Variants in LIN7A observed in about 807,000 individuals in gnomAD.
LIN7A encodes lin-7 cell polarity scaffold A, also known as protein lin-7 homolog A.
In LIN7A, 25 loss-of-function variants were observed where a neutral mutation model predicts 29.8. That is an observed-to-expected ratio of 0.84 (90% CI 0.61 to 1.17). LIN7A has a LOEUF of 1.17. Ranked by LOEUF, LIN7A falls within the 50% of genes most tolerant of loss-of-function variation. The pLI is 0.00. For missense variants in LIN7A, 239 were observed against 287.0 expected (o/e 0.83, Z 1.21); for synonymous variants, 118 against 107.5 (o/e 1.10, Z -0.60).
At chr12:80,813,033 C>T (rs559399609) in intron 4 of LIN7A, among the ~76,000 whole-genome samples, 12 of 151,818 alleles carry the variant, frequency 7.9e-5, no homozygotes, top group South Asian at 4.2e-4. Context: ...TTTTTTGAGA[C>T]GGAGTCTTGC....
chr12:80,813,885 C>T (rs1312457346), intron 4 of LIN7A, among the ~76,000 whole-genome samples: 2 of 152,082 alleles, frequency 1.3e-5, no homozygotes, highest in Non-Finnish European at 2.9e-5. Flanking sequence ...AAAAAAATCA[C>T]TGTGCAGTGT....
Position 80,937,708 on chromosome 12 carries a change from G to A in LIN7A, c.15C>T (p.Ser5=). The A allele has an allele frequency of 2.6e-6, 4 of 1,537,204 alleles. No individual in the cohort carries two copies. Among genetic ancestry groups the A allele is most frequent in the Non-Finnish European group, 8.8e-7 (1 of 1,134,700 alleles). The change falls in exon 1 of 6, where the codon AGC becomes AGT. Residue 5 remains serine, a synonymous_variant. Transcript: ENST00000552864. ...TGTCTGCCGTGGGAGCCGAAGTGAC[G>A]CTCGGCTTCAGCATCAGCAACCGCT... MLKP[S]VTSAPTADMA...
Position 80,937,879 on chromosome 12 carries a change from C to T in LIN7A, c.-157G>A. On this transcript the variant is annotated 5_prime_UTR_variant, in exon 1 of 6. Transcript: ENST00000552864. Reference sequence around the variant, plus strand: ...TAGCCAGATGGAGACGCAACTGTTCCGCGGCGGCAGATCTTCAGTTGCGGT... The same window carrying T: ...TAGCCAGATGGAGACGCAACTGTTCTGCGGCGGCAGATCTTCAGTTGCGGT... 1 of 498,516 alleles carries T rather than the reference C, an allele frequency of 2.0e-6. No homozygotes were observed. Among genetic ancestry groups the T allele is most frequent in the South Asian group, 3.8e-5 (1 of 26,488 alleles). The allele number at this position is 498,516 out of a possible 1,614,324, so 30.9% of individuals were successfully genotyped here. A position where few individuals can be genotyped will look rare whatever the true frequency, so the allele number is the denominator to read the frequency against.
chr12:80,825,169 T>C (rs1006554599), intron 4 of LIN7A, among the ~76,000 whole-genome samples: 2 of 152,184 alleles, frequency 1.3e-5, no homozygotes, highest in South Asian at 4.1e-4. Context: ...GAAGGGGTTT[T>C]ATCAGAGAAT....
At chr12:80,877,776 T>C (rs1037599533) in intron 2 of LIN7A, among the ~76,000 whole-genome samples, 3 of 152,174 alleles carry the variant, frequency 2.0e-5, no homozygotes, top group African/African-American at 7.2e-5. Context: ...TTAACATTCA[T>C]TTTAGATGAC....
intron 4 of LIN7A, among the ~76,000 whole-genome samples, chr12:80,843,158 G>A (rs1872900745): frequency 1.3e-5 from 2 of 152,138 alleles, no homozygotes; most frequent in Admixed American, 6.5e-5. Flanking sequence ...GGTAAGATGA[G>A]AGGTTTAAAT....
At chr12:80,808,105 A>G (rs952606386) in intron 5 of LIN7A, among the ~76,000 whole-genome samples, 6 of 152,074 alleles carry the variant, frequency 3.9e-5, no homozygotes, top group East Asian at 1.9e-4. Context: ...ACTATTCTCT[A>G]ACTACTCTGG....
At chr12:80,904,023 A>G (rs1460830492) in intron 1 of LIN7A, among the ~76,000 whole-genome samples, 1 of 152,086 alleles carries the variant, frequency 6.6e-6, no homozygotes, top group Non-Finnish European at 1.5e-5. Flanking sequence ...GTTTATAACA[A>G]TCTTTTAAAC....
At chr12:80,918,606 C>T (rs1459170067) in intron 1 of LIN7A, among the ~76,000 whole-genome samples, 2 of 152,118 alleles carry the variant, frequency 1.3e-5, no homozygotes, top group Non-Finnish European at 2.9e-5. Context: ...ATTTCAGACA[C>T]TTGGAGATTC....
chr12:80,858,822 A>G (rs75267927), intron 2 of LIN7A, among the ~76,000 whole-genome samples: 47 of 152,298 alleles, frequency 3.1e-4, no homozygotes, highest in African/African-American at 1.1e-3. Flanking sequence ...CTTGAAATTT[A>G]CTAGTGTACT....
chr12:80,818,580 G>A (rs1303539588), intron 4 of LIN7A, among the ~76,000 whole-genome samples: 1 of 152,150 alleles, frequency 6.6e-6, no homozygotes, highest in African/African-American at 2.4e-5. Flanking sequence ...TATCACATTG[G>A]CAGTTTTGCT....
chr12:80,935,512 G>C (rs1193292302), intron 1 of LIN7A, among the ~76,000 whole-genome samples: 2 of 152,194 alleles, frequency 1.3e-5, no homozygotes. Context: ...TTGCAGCTAG[G>C]ACCCAGATAT....
chr12:80,885,658 G>A lies in LIN7A; in HGVS notation c.201+3593C>T, dbSNP rs117897386. Among the ~76,000 whole-genome samples, 684 of 152,108 alleles carry A rather than the reference G, an allele frequency of 4.5e-3. 3 individuals carry two copies. Among genetic ancestry groups the A allele is most frequent in the Middle Eastern group, 0.031 (9 of 294 alleles). On this transcript the variant is annotated intron_variant, in intron 2 of 5. Transcript: ENST00000552864. Reference sequence around the variant, plus strand: ...TGATAGAGGAATGCCTTTCTTAGTTGTGTATGTAGATGGTCTTCATTCAGT... The same window carrying A: ...TGATAGAGGAATGCCTTTCTTAGTTATGTATGTAGATGGTCTTCATTCAGT...
intron 2 of LIN7A, among the ~76,000 whole-genome samples, chr12:80,876,084 G>GAGAGAGAGAA (rs1555226199): frequency 1.3e-4 from 20 of 148,788 alleles, no homozygotes; most frequent in African/African-American, 4.4e-4. Context: ...CACACACAGA[G>GAGAGAGAGAA]AGAGAGAAAG....
At chr12:80,890,294 A>G (rs1269630858) in intron 1 of LIN7A, among the ~76,000 whole-genome samples, 1 of 152,140 alleles carries the variant, frequency 6.6e-6, no homozygotes, top group Admixed American at 6.6e-5. Flanking sequence ...ACTCACTGAA[A>G]AGCCACTTAG....
At chr12:80,845,095 G>C (rs2121548840) in intron 4 of LIN7A, among the ~76,000 whole-genome samples, 1 of 152,082 alleles carries the variant, frequency 6.6e-6, no homozygotes, top group East Asian at 1.9e-4. Context: ...AAATTAACCG[G>C]GCTTGGTGGC....
chr12:80,908,917 A>G (rs751045664), intron 1 of LIN7A, among the ~76,000 whole-genome samples: 49 of 151,858 alleles, frequency 3.2e-4, no homozygotes, highest in Non-Finnish European at 5.0e-4. Flanking sequence ...TGTTTTGCAA[A>G]TATTTTCTCC....
At chr12:80,827,288 G>C (rs865885707) in intron 4 of LIN7A, among the ~76,000 whole-genome samples, 6 of 152,252 alleles carry the variant, frequency 3.9e-5, no homozygotes, top group African/African-American at 1.4e-4. Flanking sequence ...TCGGGAGGCT[G>C]AGGCAGGAGA....
chr12:80,877,584 T>G (rs1592917570), intron 2 of LIN7A, among the ~76,000 whole-genome samples: 1 of 152,104 alleles, frequency 6.6e-6, no homozygotes, highest in East Asian at 1.9e-4. Flanking sequence ...TAAATCTATA[T>G]TTCCCTATGA....
Sources: gnomAD v4.1 joint callset for allele counts (sites outside exome capture counted in the v4.1 genomes callset) on GRCh38, gnomAD v4.1.1 for gene constraint, MANE v1.5 for transcripts, NCBI Gene and HGNC (gene_info 2026-07-23, HGNC 2026-07-21) for gene names.